EYS: variants seen among roughly 807,000 people sequenced by gnomAD.
EYS encodes the protein EGF-like photoreceptor maintenance factor.
In EYS, 250 loss-of-function variants were observed where a neutral mutation model predicts 282.1. The observed-to-expected ratio is 0.89, with a 90% confidence interval of 0.80 to 0.98. EYS has a LOEUF of 0.98. Among genes scored for constraint, EYS ranks in the 50% least tolerant of loss-of-function variants. The probability of loss-of-function intolerance (pLI) is 0.00; values close to 1 mark genes in which losing one functional copy is unlikely to be tolerated. For synonymous variants in EYS, 1,355 were observed against 1,282.9 expected (o/e 1.06, Z -1.20); for missense variants, 4,016 against 3,709.0 (o/e 1.08, Z -2.15).
intron 12 of EYS, among the ~76,000 whole-genome samples, chr6:65,276,626 A>T (rs541092253): frequency 6.6e-6 from 1 of 152,106 alleles, no homozygotes; most frequent in Admixed American, 6.6e-5. Flanking sequence ...TGGTATTACA[A>T]TGCTCTTTGA....
chr6:64,018,759 G>GCTTT (rs1769018116), intron 33 of EYS, among the ~76,000 whole-genome samples: 1 of 53,860 alleles, frequency 1.9e-5, no homozygotes, highest in Non-Finnish European at 3.4e-5. Context: ...CATCACAAGT[G>GCTTT]TTTTTTTTTT....
At chr6:63,965,122 C>T (rs147498005) in intron 35 of EYS, among the ~76,000 whole-genome samples, 2 of 152,126 alleles carry the variant, frequency 1.3e-5, no homozygotes, top group African/African-American at 2.4e-5. Context: ...AACATTTTAC[C>T]TTTCCTGTGC....
At chr6:65,521,783 C>T (rs1767381124) in intron 2 of EYS, among the ~76,000 whole-genome samples, 3 of 152,166 alleles carry the variant, frequency 2.0e-5, no homozygotes, top group Non-Finnish European at 4.4e-5. Flanking sequence ...ATTAATGCCA[C>T]TCCGTGTTAA....
intron 8 of EYS, among the ~76,000 whole-genome samples, chr6:65,370,614 A>G (rs1048355844): frequency 2.0e-5 from 3 of 151,590 alleles, no homozygotes; most frequent in African/African-American, 7.3e-5. Flanking sequence ...TTTATGTATC[A>G]CTTAATTTTT....
chr6:64,813,832 A>G (rs1764670971), intron 21 of EYS, among the ~76,000 whole-genome samples: 2 of 152,128 alleles, frequency 1.3e-5, no homozygotes, highest in South Asian at 4.1e-4. Flanking sequence ...AAAAAGATGT[A>G]TCATGTCAGA....
chr6:65,381,811 C>T (rs184744497), intron 8 of EYS, among the ~76,000 whole-genome samples: 2 of 151,698 alleles, frequency 1.3e-5, no homozygotes, highest in East Asian at 3.9e-4. Flanking sequence ...CAAATACACC[C>T]CACCATGAAA....
At position 64,458,462 on chromosome 6, in the gene EYS, TG is replaced by T. The variant is rs34711307; in HGVS notation, c.5645-19111del. 3.0e-3 allele frequency among the ~76,000 whole-genome samples: 450 copies of T among 152,172 alleles called. 4 individuals are homozygous for T. The highest frequency in any genetic ancestry group is 0.01 in the African/African-American group (427 of 41,522). On this transcript the variant is annotated intron_variant, in intron 26 of 42. Coordinates refer to ENST00000503581, the MANE Select transcript of EYS (RefSeq NM_001142800.2). Reference sequence around the variant, plus strand: ...GGTAAGATAATCTTGGTTAATAATTTGTTTTTTTTCTTTTTCTTCAGCACTT... The same window carrying T: ...GGTAAGATAATCTTGGTTAATAATTTTTTTTTTTCTTTTTCTTCAGCACTT...
chr6:64,144,667 C>T (rs1250491219), intron 31 of EYS, among the ~76,000 whole-genome samples: 1 of 152,184 alleles, frequency 6.6e-6, no homozygotes, highest in Non-Finnish European at 1.5e-5. Context: ...GAAACTCCAT[C>T]CTTTCTCCAA....
At chr6:64,126,411 A>C (rs1773788639) in intron 31 of EYS, among the ~76,000 whole-genome samples, 1 of 151,058 alleles carries the variant, frequency 6.6e-6, no homozygotes, top group Admixed American at 6.6e-5. Flanking sequence ...AGTCTCCTCA[A>C]GATTTGTGCA....
chr6:64,198,804 T>C (rs1389283559), intron 31 of EYS, among the ~76,000 whole-genome samples: 1 of 152,226 alleles, frequency 6.6e-6, no homozygotes, highest in African/African-American at 2.4e-5. Context: ...CATGTGTCTT[T>C]ATAGTAGAAT....
At chr6:63,848,973 C>T (rs1341656346) in intron 36 of EYS, among the ~76,000 whole-genome samples, 1 of 152,164 alleles carries the variant, frequency 6.6e-6, no homozygotes, top group Non-Finnish European at 1.5e-5. Flanking sequence ...CTGAAGTCAA[C>T]CTGGGATGCT....
chr6:64,553,545 AC>A (rs10541994), intron 26 of EYS, among the ~76,000 whole-genome samples: 10,890 of 46,500 alleles, frequency 0.23, 1,488 homozygotes, highest in Middle Eastern at 0.28. Context: ...CTTTTGTTTG[AC>A]CCCCCCCCCC....
At position 63,778,069 on chromosome 6, in the gene EYS, G is replaced by A. The variant is rs752528089; in HGVS notation, c.7835C>T (p.Ser2612Phe). ...AGRSVGQCHASPCSLMKCGNG... is the reference protein window; with the variant it reads ...AGRSVGQCHAFPCSLMKCGNG... ...GCCACATTTCATTAAACTGCAGGGA[G>A]AAGCATGACACTGGCCAACACTGCG... Residue 2612 changes from serine to phenylalanine, a missense_variant, in exon 40 of 43, where the codon TCT becomes TTT. Physicochemically the swap from Ser to Phe is radical, Grantham distance 155. Coordinates refer to ENST00000503581, the MANE Select transcript of EYS (RefSeq NM_001142800.2). 7 of 1,551,692 alleles carry A rather than the reference G, an allele frequency of 4.5e-6. No individual in the cohort carries two copies. The South Asian group carries it at 8.3e-5, about 18-fold the overall frequency.
At chr6:63,741,115 G>C (rs1007304473) in intron 41 of EYS, among the ~76,000 whole-genome samples, 1 of 152,166 alleles carries the variant, frequency 6.6e-6, no homozygotes, top group African/African-American at 2.4e-5. Flanking sequence ...GTCAGAGTAA[G>C]GGGCTGTTTC....
chr6:63,772,552 ATC>A (rs796377500), intron 40 of EYS, among the ~76,000 whole-genome samples: 10 of 152,238 alleles, frequency 6.6e-5, no homozygotes, highest in African/African-American at 2.2e-4. Flanking sequence ...ATGCAATAGA[ATC>A]TCTTTATGGT....
At chr6:64,211,447 C>T (rs1765762424) in intron 31 of EYS, among the ~76,000 whole-genome samples, 1 of 151,836 alleles carries the variant, frequency 6.6e-6, no homozygotes, top group Non-Finnish European at 1.5e-5. Context: ...TAAATTTGCT[C>T]TCAGATTTTG....
At chr6:64,487,494 A>T (rs138948464) in intron 26 of EYS, among the ~76,000 whole-genome samples, 2 of 151,250 alleles carry the variant, frequency 1.3e-5, no homozygotes, top group African/African-American at 4.8e-5. Context: ...ATTAATATCC[A>T]TTTAAAATGT....
intron 12 of EYS, among the ~76,000 whole-genome samples, chr6:65,242,819 A>G (rs1334176366): frequency 6.6e-6 from 1 of 152,122 alleles, no homozygotes; most frequent in Non-Finnish European, 1.5e-5. Context: ...TAGTGGTTGT[A>G]AAGTGGTAGC....
chr6:63,741,997 C>A, intron 41 of EYS: 1 of 701,724 alleles, frequency 1.4e-6, no homozygotes, highest in South Asian at 1.5e-5. Context: ...AGAGAAGGGT[C>A]TTTTTTGTCT....
Sources: allele counts gnomAD v4.1 joint callset (sites outside exome capture counted in the v4.1 genomes callset), GRCh38; gene constraint gnomAD v4.1.1; transcripts MANE v1.5; gene names NCBI Gene and HGNC (gene_info 2026-07-23, HGNC 2026-07-21).